STPG4: variants seen among roughly 807,000 people sequenced by gnomAD.
STPG4 encodes sperm-tail PG-rich repeat containing 4.
Under a neutral mutation model 31.5 loss-of-function variants are expected in STPG4, and 41 were observed. The ratio of observed to expected loss-of-function variants is 1.30; its 90% CI spans 1.01 to 1.69. STPG4 has a LOEUF of 1.69. Among genes scored for constraint, STPG4 ranks in the 40% most tolerant of loss-of-function variants. STPG4 has a pLI of 0.00. For synonymous variants in STPG4, 141 were observed against 103.0 expected (o/e 1.37, Z -2.24); for missense variants, 375 against 293.4 (o/e 1.28, Z -2.03).
At chr2:47,100,927 G>T (rs374611786) in intron 5 of STPG4, among the ~76,000 whole-genome samples, 1 of 151,832 alleles carries the variant, frequency 6.6e-6, no homozygotes, top group Non-Finnish European at 1.5e-5. Flanking sequence ...ACGAGGGTCC[G>T]CGGCTTCATT....
intron 6 of STPG4, among the ~76,000 whole-genome samples, chr2:47,089,173 T>G (rs1685518429): frequency 6.6e-6 from 1 of 152,242 alleles, no homozygotes; most frequent in African/African-American, 2.4e-5. Context: ...TTAGCATGAC[T>G]CAGCGTTCCT....
chr2:47,104,441 C>T (rs1573157341), intron 5 of STPG4, among the ~76,000 whole-genome samples: 1 of 152,082 alleles, frequency 6.6e-6, no homozygotes, highest in South Asian at 2.1e-4. Context: ...CCACTATATC[C>T]AGTTGTACCC....
intron 5 of STPG4, among the ~76,000 whole-genome samples, chr2:47,100,284 G>A (rs1318449450): frequency 6.6e-6 from 1 of 151,470 alleles, no homozygotes; most frequent in Non-Finnish European, 1.5e-5. Context: ...CTCAAGGTTT[G>A]TAAACACACC....
chr2:47,122,204 ATTG>A (rs1257758011), intron 5 of STPG4, among the ~76,000 whole-genome samples: 1 of 152,058 alleles, frequency 6.6e-6, no homozygotes, highest in Non-Finnish European at 1.5e-5. Context: ...TTTCCTATAG[ATTG>A]TTATGATAAT....
intron 5 of STPG4, among the ~76,000 whole-genome samples, chr2:47,120,751 T>G (rs1232381358): frequency 6.6e-6 from 1 of 152,154 alleles, no homozygotes; most frequent in Non-Finnish European, 1.5e-5. Context: ...TATCTTTTTT[T>G]TATTAAGTTA....
chr2:47,096,387 C>G (rs1258171569), intron 5 of STPG4, among the ~76,000 whole-genome samples: 1 of 152,118 alleles, frequency 6.6e-6, no homozygotes, highest in African/African-American at 2.4e-5. Flanking sequence ...CCAAAATGGG[C>G]AGGGCCTCGA....
chr2:47,145,446 C>A (rs958056305), intron 3 of STPG4, among the ~76,000 whole-genome samples: 2 of 152,226 alleles, frequency 1.3e-5, no homozygotes, highest in African/African-American at 4.8e-5. Context: ...TGAATTCCAG[C>A]CCAAATTCAC....
intron 3 of STPG4, among the ~76,000 whole-genome samples, chr2:47,135,893 A>G (rs576614772): frequency 3.3e-5 from 5 of 152,252 alleles, no homozygotes; most frequent in Admixed American, 6.5e-5. Flanking sequence ...TGTAGCTTTT[A>G]AGTAGGCCTT....
At chr2:47,093,405 C>T (rs1328020239) in intron 5 of STPG4, among the ~76,000 whole-genome samples, 1 of 152,170 alleles carries the variant, frequency 6.6e-6, no homozygotes, top group Non-Finnish European at 1.5e-5. Context: ...AGAAGCAAAA[C>T]GCCAAGAAAA....
Position 47,129,900 on chromosome 2 carries a change from C to T in STPG4, c.519+41G>A, listed in dbSNP as rs747947339. 38 of 1,599,538 alleles carry T rather than the reference C, an allele frequency of 2.4e-5. No homozygotes were observed. The South Asian group carries it at 3.0e-4, about 13-fold the overall frequency. ...TCCAGAAAGCACAGCGTATTTTAAACATCAAATTCATCATGAGTTAACTGT... is the reference window on the plus strand; with the variant it reads ...TCCAGAAAGCACAGCGTATTTTAAATATCAAATTCATCATGAGTTAACTGT... On this transcript the variant is annotated intron_variant, in intron 5 of 6. Coordinates refer to ENST00000445927, the MANE Select transcript of STPG4 (RefSeq NM_001163561.2).
At chr2:47,125,337 C>A (rs909375847) in intron 5 of STPG4, among the ~76,000 whole-genome samples, 2 of 152,054 alleles carry the variant, frequency 1.3e-5, no homozygotes, top group African/African-American at 4.8e-5. Flanking sequence ...GGAAGGATTG[C>A]TTACACTAGG....
chr2:47,106,912 A>C (rs1344052011), intron 5 of STPG4, among the ~76,000 whole-genome samples: 1 of 151,958 alleles, frequency 6.6e-6, no homozygotes, highest in Non-Finnish European at 1.5e-5. Flanking sequence ...AATGAGTTAA[A>C]CTAACAACTT....
chr2:47,100,493 G>A (rs56354450), intron 5 of STPG4, among the ~76,000 whole-genome samples: 13,692 of 148,076 alleles, frequency 0.092, 843 homozygotes, highest in Non-Finnish European at 0.12. Context: ...CAGACCACTC[G>A]GCTCTACCAA....
At chr2:47,098,572 A>G (rs762942561) in intron 5 of STPG4, among the ~76,000 whole-genome samples, 2 of 152,214 alleles carry the variant, frequency 1.3e-5, no homozygotes, top group Non-Finnish European at 2.9e-5. Context: ...CATTTATCTT[A>G]GCACAAACAG....
chr2:47,147,031 T>C, intron 3 of STPG4, among the ~76,000 whole-genome samples: 1 of 152,068 alleles, frequency 6.6e-6, no homozygotes, highest in East Asian at 1.9e-4. Context: ...TCCCAGCTAT[T>C]CAGGAAGCTA....
intron 6 of STPG4, among the ~76,000 whole-genome samples, chr2:47,089,360 C>T (rs989412016): frequency 1.3e-5 from 2 of 152,172 alleles, no homozygotes; most frequent in Non-Finnish European, 1.5e-5. Flanking sequence ...CCCAGCAGCT[C>T]TGGGGCAGAG....
intron 5 of STPG4, among the ~76,000 whole-genome samples, chr2:47,100,079 G>A (rs886663989): frequency 5.3e-5 from 8 of 152,174 alleles, no homozygotes; most frequent in South Asian, 2.1e-4. Flanking sequence ...GCTCCAAGGT[G>A]CCCAGTCCCA....
rs1171930850 is a variant in STPG4 at position 47,110,631 on chromosome 2, A to C, written c.519+19310T>G. ...TTATATTTTGAAATACTGTGAAACC[A>C]ATTGAAGAGAAAGAAATATAAGCAA... On this transcript the variant is annotated intron_variant, in intron 5 of 6. Coordinates refer to ENST00000445927, the MANE Select transcript of STPG4 (RefSeq NM_001163561.2). Among the ~76,000 whole-genome samples, 3 of 152,214 alleles carry C rather than the reference A, an allele frequency of 2.0e-5. No homozygotes were observed. The East Asian group carries it at 5.8e-4, about 29-fold the overall frequency.
chr2:47,139,960 G>C (rs1686671028), intron 3 of STPG4, among the ~76,000 whole-genome samples: 1 of 152,052 alleles, frequency 6.6e-6, no homozygotes, highest in Non-Finnish European at 1.5e-5. Context: ...ATTTTTAGTA[G>C]AGATGGGGTT....
Sources: allele counts gnomAD v4.1 joint callset (sites outside exome capture counted in the v4.1 genomes callset), GRCh38; gene constraint gnomAD v4.1.1; transcripts MANE v1.5; gene names NCBI Gene and HGNC (gene_info 2026-07-23, HGNC 2026-07-21).